CNBD1: variants seen among roughly 807,000 people sequenced by gnomAD.
CNBD1 encodes the protein cyclic nucleotide-binding domain-containing protein 1.
Under a neutral mutation model 54.4 loss-of-function variants are expected in CNBD1, and 71 were observed. The observed-to-expected ratio is 1.30, with a 90% CI of 1.08 to 1.59. The LOEUF (loss-of-function observed/expected upper bound fraction) is 1.59. CNBD1 is among the 40% of genes most tolerant of loss of function. CNBD1 has a pLI of 0.00. For missense variants in CNBD1, 659 were observed against 518.0 expected, an observed-to-expected ratio of 1.27 and a Z score of -2.64; for synonymous variants, 182 against 170.7, an observed-to-expected ratio of 1.07 and a Z score of -0.51.
rs373004099 is a variant in CNBD1, at chr8:87,197,783, G to A, written c.432-8210G>A. On this transcript the variant is annotated intron_variant, in intron 4 of 10. Coordinates refer to ENST00000518476, the MANE Select transcript of CNBD1 (RefSeq NM_173538.3). ...AATGATAAAGAGCTGTAACTTTTGA[G>A]TGACTTTAATCTTTTCTGTTAGTCA... 7.9e-5 allele frequency among the ~76,000 whole-genome samples: 12 copies of A among 152,168 alleles called. No individual in the cohort carries two copies. In the East Asian group the frequency reaches 2.1e-3, roughly 27 times the overall value.
chr8:87,411,427 T>TATATATATATATATATATATATATATC (rs71277943), intron 2 of CNBD1, among the ~76,000 whole-genome samples: 1 of 140,878 alleles, frequency 7.1e-6, no homozygotes, highest in Admixed American at 7.3e-5. Context: ...TATATATATA[T>TATATATATATATATATATATATATATC]TTCATTCACA....
chr8:87,123,297 T>G (rs1654087797), intron 4 of CNBD1, among the ~76,000 whole-genome samples: 1 of 151,722 alleles, frequency 6.6e-6, no homozygotes, highest in African/African-American at 2.4e-5. Flanking sequence ...TTTAACAAAT[T>G]TAAAAGTATT....
At chr8:87,378,634 CAG>C (rs1811001420) in intron 10 of CNBD1, among the ~76,000 whole-genome samples, 1 of 137,880 alleles carries the variant, frequency 7.3e-6, no homozygotes, top group Non-Finnish European at 1.7e-5. Flanking sequence ...CTTGGCTCTG[CAG>C]GCTCTTTTTT....
chr8:86,958,656 C>T (rs915359816), intron 4 of CNBD1, among the ~76,000 whole-genome samples: 5 of 151,864 alleles, frequency 3.3e-5, no homozygotes, highest in Non-Finnish European at 7.4e-5. Context: ...GCAACCCCTG[C>T]TTTTTTTTGT....
chr8:87,168,262 C>T (rs1005207296), intron 4 of CNBD1, among the ~76,000 whole-genome samples: 7 of 151,790 alleles, frequency 4.6e-5, no homozygotes, highest in Admixed American at 1.3e-4. Context: ...AGTATGATTG[C>T]GTATCTATTT....
intron 4 of CNBD1, among the ~76,000 whole-genome samples, chr8:87,127,459 T>C (rs1243635875): frequency 6.6e-6 from 1 of 152,188 alleles, no homozygotes; most frequent in South Asian, 2.1e-4. Flanking sequence ...TGGACGTTCA[T>C]TGTTACAGTA....
chr8:86,909,120 A>AT lies in CNBD1; in HGVS notation c.272+3934dup, dbSNP rs535761302. On this transcript the variant is annotated intron_variant, in intron 3 of 10. Transcript: ENST00000518476. ...CCTGTTCCCAATAAACATAATGGTC[A>AT]TTTTTTTTAAAACAACAACAACAAA... Among the ~76,000 whole-genome samples, 20 of 152,016 alleles carry AT rather than the reference A, an allele frequency of 1.3e-4. No individual in the cohort carries two copies. In the East Asian group the frequency reaches 2.3e-3, roughly 18 times the overall value.
chr8:87,221,416 A>C (rs765967917), intron 5 of CNBD1, among the ~76,000 whole-genome samples: 2 of 152,132 alleles, frequency 1.3e-5, no homozygotes, highest in African/African-American at 2.4e-5. Flanking sequence ...AGCTTGATTG[A>C]AGTCCATCAA....
At chr8:87,268,713 G>T (rs2130856046) in intron 6 of CNBD1, among the ~76,000 whole-genome samples, 1 of 152,108 alleles carries the variant, frequency 6.6e-6, no homozygotes, top group South Asian at 2.1e-4. Flanking sequence ...ATATTCACTG[G>T]TCACATGTAT....
At chr8:87,214,364 C>A (rs1177524124) in intron 5 of CNBD1, among the ~76,000 whole-genome samples, 2 of 152,124 alleles carry the variant, frequency 1.3e-5, no homozygotes, top group East Asian at 3.9e-4. Context: ...CAAGAGTCAC[C>A]TTTTCTCCAG....
intron 4 of CNBD1, among the ~76,000 whole-genome samples, chr8:87,121,328 G>C (rs963664675): frequency 6.6e-6 from 1 of 151,434 alleles, no homozygotes; most frequent in African/African-American, 2.4e-5. Flanking sequence ...CTACAAAATT[G>C]TATTAGGAAA....
At chr8:87,269,557 A>G (rs1051722551) in intron 6 of CNBD1, among the ~76,000 whole-genome samples, 2 of 152,060 alleles carry the variant, frequency 1.3e-5, no homozygotes, top group African/African-American at 2.4e-5. Flanking sequence ...ACGAGCATGG[A>G]ATATTTTTCC....
intron 4 of CNBD1, among the ~76,000 whole-genome samples, chr8:87,064,854 C>T (rs577115206): frequency 2.0e-5 from 3 of 152,006 alleles, no homozygotes; most frequent in South Asian, 2.1e-4. Context: ...GTACAACAGA[C>T]ATTAATTTAA....
chr8:86,984,149 G>A lies in CNBD1; in HGVS notation c.431+44395G>A, dbSNP rs552317149. On this transcript the variant is annotated intron_variant, in intron 4 of 10. Coordinates refer to ENST00000518476, the MANE Select transcript of CNBD1 (RefSeq NM_173538.3). ...GCCATGACTAAAAGTGGCAAACATAGAGCTTGGGCTGTGGCTTCAGAGGGT... is the reference window on the plus strand; with the variant it reads ...GCCATGACTAAAAGTGGCAAACATAAAGCTTGGGCTGTGGCTTCAGAGGGT... Among the ~76,000 whole-genome samples the A allele has an allele frequency of 2.0e-5, 3 of 152,276 alleles. No homozygotes were observed. The South Asian group carries it at 6.2e-4, about 32-fold the overall frequency.
intron 8 of CNBD1, among the ~76,000 whole-genome samples, chr8:87,337,060 A>G (rs972166982): frequency 5.3e-5 from 8 of 152,116 alleles, no homozygotes; most frequent in Non-Finnish European, 5.9e-5. Flanking sequence ...AACAGCAAAG[A>G]TGGGTGCCTG....
rs369105689 is a variant in CNBD1 at position 87,382,489 on chromosome 8, T to G, written c.1304-131T>G. On this transcript the variant is annotated intron_variant, in intron 10 of 10. Transcript: ENST00000518476. ...TTTCTAGAATAAGCTCTGACAATATTATTTTTTTCTTTTAAAGCATAACCC... is the reference window on the plus strand; with the variant it reads ...TTTCTAGAATAAGCTCTGACAATATGATTTTTTTCTTTTAAAGCATAACCC... 1.4e-3 allele frequency: 834 copies of G among 615,668 alleles called. 21 individuals are homozygous for G. In the South Asian group the frequency reaches 0.015, roughly 11 times the overall value. 38.1% of individuals were successfully genotyped at this position (615,668 alleles called of 1,614,324 possible).
At chr8:87,427,477 C>G (rs918616967) in intron 2 of CNBD1, among the ~76,000 whole-genome samples, 3 of 152,000 alleles carry the variant, frequency 2.0e-5, no homozygotes, top group African/African-American at 7.3e-5. Context: ...AAAGTATTAG[C>G]GCTTTCATCT....
intron 2 of CNBD1, among the ~76,000 whole-genome samples, chr8:86,902,397 A>C (rs1207222399): frequency 1.3e-5 from 2 of 152,098 alleles, no homozygotes; most frequent in Non-Finnish European, 2.9e-5. Flanking sequence ...AAACTACAGG[A>C]TCTGAATACA....
At chr8:86,968,042 A>G (rs771174548) in intron 4 of CNBD1, among the ~76,000 whole-genome samples, 4 of 151,836 alleles carry the variant, frequency 2.6e-5, no homozygotes, top group Non-Finnish European at 5.9e-5. Flanking sequence ...GCTTCTGAGT[A>G]TTTTTCCCCC....
Sources: allele counts gnomAD v4.1 joint callset (sites outside exome capture counted in the v4.1 genomes callset), GRCh38; gene constraint gnomAD v4.1.1; transcripts MANE v1.5; gene names NCBI Gene and HGNC (gene_info 2026-07-23, HGNC 2026-07-21).